The following ABHD17B variants were observed in gnomAD, a reference collection of about 807,000 sequenced individuals.
ABHD17B encodes abhydrolase domain containing 17B, depalmitoylase.
In ABHD17B, 9 loss-of-function variants were observed where a neutral mutation model predicts 26.2. The observed-to-expected ratio is 0.34, with a 90% CI of 0.21 to 0.60. The LOEUF (loss-of-function observed/expected upper bound fraction) is 0.60. Ranked by LOEUF, ABHD17B falls within the 20% of genes least tolerant of loss-of-function variation. ABHD17B has a pLI of 0.80. For synonymous variants in ABHD17B, 127 were observed against 122.3 expected, an observed-to-expected ratio of 1.04 and a Z score of -0.25; for missense variants, 224 against 352.1, an observed-to-expected ratio of 0.64 and a Z score of 2.91.
At chr9:71,888,984 A>G (rs534729644) in intron 1 of ABHD17B, among the ~76,000 whole-genome samples, 27 of 151,912 alleles carry the variant, frequency 1.8e-4, no homozygotes, top group Middle Eastern at 3.4e-3. Flanking sequence ...AAGAAATAAC[A>G]TTGCTATTAT....
At chr9:71,884,669 G>A (rs1242585947) in intron 1 of ABHD17B, among the ~76,000 whole-genome samples, 2 of 151,212 alleles carry the variant, frequency 1.3e-5, no homozygotes, top group Non-Finnish European at 2.9e-5. Flanking sequence ...TAAAACAAGA[G>A]CAGGGCCTAT....
chr9:71,862,607 C>T (rs148748134), downstream of ABHD17B: 135 of 1,264,920 alleles, frequency 1.1e-4, no homozygotes, highest in African/African-American at 1.7e-3. Context: ...TGTTTCTGCA[C>T]CTGTAAAATA....
At chr9:71,909,900 G>A (rs1212387795) in intron 1 of ABHD17B, among the ~76,000 whole-genome samples, 1 of 150,420 alleles carries the variant, frequency 6.6e-6, no homozygotes, top group Admixed American at 6.6e-5. Context: ...AAAACCCCAG[G>A]TTAAATACAC....
chr9:71,886,545 C>T (rs1217270648), intron 1 of ABHD17B, among the ~76,000 whole-genome samples: 1 of 152,138 alleles, frequency 6.6e-6, no homozygotes, highest in African/African-American at 2.4e-5. Context: ...GACCAAAGCT[C>T]GTCACACTCT....
intron 1 of ABHD17B, among the ~76,000 whole-genome samples, chr9:71,900,903 A>G (rs989836021): frequency 6.6e-6 from 1 of 151,188 alleles, no homozygotes; most frequent in Non-Finnish European, 1.5e-5. Flanking sequence ...TAATCCCAGC[A>G]CTTTGGGAGG....
chr9:71,865,100 A>C, downstream of ABHD17B: 25 of 953,380 alleles, frequency 2.6e-5, no homozygotes, highest in Non-Finnish European at 3.1e-5. Context: ...ATTTTTTTTC[A>C]CTCTTTCTAG....
chr9:71,870,311 A>T lies in ABHD17B; in HGVS notation c.468-49T>A, dbSNP rs775788605. On this transcript the variant is annotated intron_variant, in intron 2 of 3. Transcript: ENST00000333421. ...CAAAAACCAAAAAAGTTGGAGTGATATGAAATGTTCCATCATTCCAAAGGA... is the reference window on the plus strand; with the variant it reads ...CAAAAACCAAAAAAGTTGGAGTGATTTGAAATGTTCCATCATTCCAAAGGA... The T allele has an allele frequency of 2.2e-5, 32 of 1,480,096 alleles. 1 individual carries two copies. The South Asian group carries it at 4.4e-4, about 20-fold the overall frequency. The allele number at this position is 1,480,096 out of a possible 1,614,324, so 91.7% of individuals were successfully genotyped here.
intron 2 of ABHD17B, among the ~76,000 whole-genome samples, chr9:71,872,179 T>C (rs576553341): frequency 2.0e-5 from 3 of 152,274 alleles, no homozygotes; most frequent in African/African-American, 7.2e-5. Context: ...AAACACAGGC[T>C]CAGAGAAGTA....
At chr9:71,883,280 T>C (rs542452493) in intron 1 of ABHD17B, among the ~76,000 whole-genome samples, 4 of 152,302 alleles carry the variant, frequency 2.6e-5, no homozygotes, top group South Asian at 2.1e-4. Context: ...GTGGGGTAGA[T>C]AGGAATTTTC....
In ABHD17B at chr9:71,869,346, T is replaced by C. The variant is rs573836208; in HGVS notation, c.647+737A>G. Among the ~76,000 whole-genome samples the C allele has an allele frequency of 3.2e-4, 49 of 152,246 alleles. No individual in the cohort carries two copies. In the South Asian group the frequency reaches 8.7e-3, roughly 27 times the overall value. On this transcript the variant is annotated intron_variant, in intron 3 of 3. Coordinates refer to ENST00000333421, the MANE Select transcript of ABHD17B (RefSeq NM_001025780.3). Reference sequence around the variant, plus strand: ...ACTTTGCCTTTGGCCCATCGGCCATTCACAAAAAAAATCCTTTGTATTGCT... The same window carrying C: ...ACTTTGCCTTTGGCCCATCGGCCATCCACAAAAAAAATCCTTTGTATTGCT...
chr9:71,908,022 A>G (rs191939435), intron 1 of ABHD17B, among the ~76,000 whole-genome samples: 2 of 152,344 alleles, frequency 1.3e-5, no homozygotes, highest in East Asian at 1.9e-4. Context: ...TCAAGCCTCA[A>G]TTCTACTTCT....
chr9:71,899,022 G>A (rs1457646677), intron 1 of ABHD17B, among the ~76,000 whole-genome samples: 1 of 152,018 alleles, frequency 6.6e-6, no homozygotes, highest in African/African-American at 2.4e-5. Flanking sequence ...TACTCAAGAG[G>A]CTGAGACATG....
chr9:71,875,054 T>C lies in ABHD17B; in HGVS notation c.27A>G (p.Leu9=), dbSNP rs771728697. Residue 9 remains leucine, a synonymous_variant, in exon 2 of 4, where the codon CTA becomes CTG. Transcript: ENST00000333421. ...AAGGTGGACAGCAGAAGAGGCAACA[T>C]AGCTCACTAAATGAAAGATTATTCA... MNNLSFSE[L]CCLFCCPPCP... The C allele has an allele frequency of 2.5e-6, 4 of 1,609,802 alleles. No homozygotes were observed. The highest frequency in any genetic ancestry group is 1.7e-5 in the Admixed American group (1 of 59,956).
At chr9:71,897,631 C>T (rs1303146795) in intron 1 of ABHD17B, among the ~76,000 whole-genome samples, 2 of 152,156 alleles carry the variant, frequency 1.3e-5, no homozygotes, top group East Asian at 3.8e-4. Context: ...ATATATAATA[C>T]CTTTTTAGTA....
chr9:71,884,406 T>C (rs895039797), intron 1 of ABHD17B, among the ~76,000 whole-genome samples: 2 of 152,120 alleles, frequency 1.3e-5, no homozygotes, highest in African/African-American at 4.8e-5. Flanking sequence ...TAAGCATGTG[T>C]TGGATGCAGA....
chr9:71,869,460 C>T (rs1265750943), intron 3 of ABHD17B, among the ~76,000 whole-genome samples: 3 of 152,116 alleles, frequency 2.0e-5, no homozygotes, highest in East Asian at 3.9e-4. Flanking sequence ...TTTTTTCCAA[C>T]TATGAAGAGT....
intron 1 of ABHD17B, among the ~76,000 whole-genome samples, chr9:71,877,931 C>A (rs994465774): frequency 6.6e-6 from 1 of 152,094 alleles, no homozygotes; most frequent in Non-Finnish European, 1.5e-5. Context: ...AGCCAGATAA[C>A]TGGGGCTTAT....
At chr9:71,906,765 T>A (rs1827295821) in intron 1 of ABHD17B, among the ~76,000 whole-genome samples, 2 of 151,910 alleles carry the variant, frequency 1.3e-5, no homozygotes, top group South Asian at 4.2e-4. Flanking sequence ...TTACAGTGAG[T>A]TGTATGGCTC....
chr9:71,906,213 A>G (rs958157081), intron 1 of ABHD17B, among the ~76,000 whole-genome samples: 4 of 152,246 alleles, frequency 2.6e-5, no homozygotes, highest in Non-Finnish European at 2.9e-5. Flanking sequence ...GTTTATTTGT[A>G]TAGTTTTAAC....
Sources: gnomAD v4.1 joint callset for allele counts (sites outside exome capture counted in the v4.1 genomes callset) on GRCh38, gnomAD v4.1.1 for gene constraint, MANE v1.5 for transcripts, NCBI Gene and HGNC (gene_info 2026-07-23, HGNC 2026-07-21) for gene names.